Variants in KLHL29 observed in about 807,000 individuals in gnomAD.
The protein encoded by KLHL29 is kelch like family member 29.
In KLHL29, 21 loss-of-function variants were observed where a neutral mutation model predicts 80.4. The observed-to-expected ratio is 0.26, with a 90% CI of 0.19 to 0.38. KLHL29 has a LOEUF of 0.38. Ranked by LOEUF, KLHL29 falls within the 10% of genes least tolerant of loss-of-function variation. The probability of loss-of-function intolerance (pLI) is 1.00; values close to 1 mark genes in which losing one functional copy is unlikely to be tolerated. For synonymous variants in KLHL29, 511 were observed against 526.8 expected, an observed-to-expected ratio of 0.97 and a Z score of 0.41; for missense variants, 867 against 1,223.9, an observed-to-expected ratio of 0.71 and a Z score of 4.35.
intron 1 of KLHL29, among the ~76,000 whole-genome samples, chr2:23,400,337 A>G (rs1159819973): frequency 1.3e-5 from 2 of 152,126 alleles, no homozygotes; most frequent in Non-Finnish European, 2.9e-5. Context: ...GCTGGTTGAG[A>G]TGCTCTTTAG....
intron 1 of KLHL29, among the ~76,000 whole-genome samples, chr2:23,435,152 G>A (rs1157504083): frequency 6.6e-6 from 1 of 152,164 alleles, no homozygotes; most frequent in Non-Finnish European, 1.5e-5. Context: ...TTGGAGTGTG[G>A]TCTTCAGAAT....
chr2:23,548,883 CT>C lies in KLHL29; in HGVS notation c.-45-13268del, dbSNP rs138293767. ...TGGGCCCTCCTCTGTTACAGCCCCC[CT>C]GCCCTGGGAGTGGAAGATCTGGATT... On this transcript the variant is annotated intron_variant, in intron 2 of 13. Transcript: ENST00000486442. 5.4e-3 allele frequency among the ~76,000 whole-genome samples: 825 copies of C among 152,308 alleles called. 9 individuals carry two copies. Among genetic ancestry groups the C allele is most frequent in the African/African-American group, 0.019 (792 of 41,576 alleles).
At position 23,639,175 on chromosome 2, in the gene KLHL29, G is replaced by A; in HGVS notation, c.322G>A (p.Gly108Arg). 2 of 1,545,456 alleles carry A rather than the reference G, an allele frequency of 1.3e-6. No individual in the cohort carries two copies. Among genetic ancestry groups the A allele is most frequent in the Middle Eastern group, 1.7e-4 (1 of 5,978 alleles). ...CTCCAAAGGGGACAGTCAGTCCCAG[G>A]GACTGGCGACCAGCATCCGGTGGGG... ...GISKGDSQSQ[G>R]LATSIRWGQT... Residue 108 changes from glycine to arginine, a missense_variant, in exon 4 of 14, where the codon GGA becomes AGA. This residue lies in a region of KLHL29 where 424 missense variants were observed against 456.9 expected (regional missense o/e 0.93). Coordinates refer to ENST00000486442, the MANE Select transcript of KLHL29 (RefSeq NM_052920.2).
rs746090670 is a variant in KLHL29 at position 23,562,421 on chromosome 2, C to T, written c.225C>T (p.Thr75=). ...CTACAGCTCCTGCTCCCTGCACCAC[C>T]GGCAGCAGCGAGGCCATCACCAGCC... ...TPATAPAPCT[T]GSSEAITSLV... is the part of the protein sequence containing the mutation. Residue 75 remains threonine, a synonymous_variant, in exon 3 of 14, where the codon ACC becomes ACT. Coordinates refer to ENST00000486442, the MANE Select transcript of KLHL29 (RefSeq NM_052920.2). The surrounding 1 kb of genome is among the most constrained non-coding windows in gnomAD (Gnocchi z 4.5). The T allele has an allele frequency of 2.1e-5, 32 of 1,537,538 alleles. No homozygotes were observed. Among genetic ancestry groups the T allele is most frequent in the African/African-American group, 6.8e-5 (5 of 73,044 alleles).
intron 1 of KLHL29, among the ~76,000 whole-genome samples, chr2:23,428,619 CACTT>C (rs1350220197): frequency 1.3e-5 from 2 of 152,182 alleles, no homozygotes; most frequent in Non-Finnish European, 2.9e-5. Context: ...GCCACACACA[CACTT>C]AATTATGTTA....
intron 5 of KLHL29, among the ~76,000 whole-genome samples, chr2:23,659,827 C>A (rs951102619): frequency 2.0e-5 from 3 of 152,076 alleles, no homozygotes; most frequent in African/African-American, 7.2e-5. Flanking sequence ...CCTCCCACCC[C>A]TCAGGGTTCC....
At chr2:23,476,840 G>A (rs1372699825) in intron 2 of KLHL29, among the ~76,000 whole-genome samples, 1 of 152,218 alleles carries the variant, frequency 6.6e-6, no homozygotes, top group Non-Finnish European at 1.5e-5. Flanking sequence ...GCCTTGGGAG[G>A]GCACAATCTT....
intron 5 of KLHL29, among the ~76,000 whole-genome samples, chr2:23,674,778 C>A (rs1305586581): frequency 6.7e-6 from 1 of 148,198 alleles, no homozygotes; most frequent in East Asian, 2.0e-4. Flanking sequence ...AGGACCAAGG[C>A]ACCTCAGGAC....
chr2:23,679,468 A>T (rs1249653616), intron 5 of KLHL29, among the ~76,000 whole-genome samples: 1 of 152,142 alleles, frequency 6.6e-6, no homozygotes, highest in African/African-American at 2.4e-5. Context: ...TAAGGCCGTG[A>T]CTCACATTTT....
At chr2:23,552,335 G>T (rs1465647124) in intron 2 of KLHL29, among the ~76,000 whole-genome samples, 1 of 152,184 alleles carries the variant, frequency 6.6e-6, no homozygotes, top group Non-Finnish European at 1.5e-5. Context: ...TGGGGGATGG[G>T]TATATTCCCA....
At position 23,684,472 on chromosome 2, in the gene KLHL29, A is replaced by G; in HGVS notation, c.1014A>G (p.Arg338=). The G allele has an allele frequency of 6.4e-7, 1 of 1,551,054 alleles. No homozygotes were observed. Residue 338 remains arginine (R), a synonymous_variant, in exon 6 of 14, where the codon AGA becomes AGG. Coordinates refer to ENST00000486442, the MANE Select transcript of KLHL29 (RefSeq NM_052920.2). This position sits in a 1 kb window ranked among gnomAD's most constrained non-coding sequence, Gnocchi z 4.4. ...ACCTGAAAATTGTTGTTGAAGGCAG[A>G]GAGTTTGAAGTCCACCAAAATGTTC... is the stretch of plus-strand genomic sequence containing the variant. The part of the protein sequence containing the change: ...FTDLKIVVEG[R]EFEVHQNVLA...
chr2:23,417,983 A>G (rs1369978441), intron 1 of KLHL29, among the ~76,000 whole-genome samples: 2 of 152,114 alleles, frequency 1.3e-5, no homozygotes, highest in Admixed American at 6.5e-5. Context: ...TAGTTTGTTC[A>G]TCTTTCCCCT....
At chr2:23,390,078 C>T (rs1227364646) in intron 1 of KLHL29, among the ~76,000 whole-genome samples, 1 of 152,220 alleles carries the variant, frequency 6.6e-6, no homozygotes, top group Non-Finnish European at 1.5e-5. Context: ...CACAGGCTTA[C>T]TTCTCCCACA....
In KLHL29 at chr2:23,422,359, TTGTG is replaced by T. The variant is rs529053852; in HGVS notation, c.-154+36589_-154+36592del. Among the ~76,000 whole-genome samples, 379 of 150,710 alleles carry T rather than the reference TTGTG, an allele frequency of 2.5e-3. 1 individual carries two copies. Among genetic ancestry groups the T allele is most frequent in the African/African-American group, 8.5e-3 (351 of 41,076 alleles). On this transcript the variant is annotated intron_variant, in intron 1 of 13. Coordinates refer to ENST00000486442, the MANE Select transcript of KLHL29 (RefSeq NM_052920.2). ...CTGTGTATGTCTTTGTGTGTTGTGT[TTGTG>T]TGTGTGTGTCTGTGTGTGTCTCTGT...
chr2:23,609,522 C>T (rs1015796217), intron 3 of KLHL29, among the ~76,000 whole-genome samples: 4 of 151,898 alleles, frequency 2.6e-5, no homozygotes, highest in South Asian at 2.1e-4. Context: ...CTTCAGAATG[C>T]GCCCCCCTCG....
At chr2:23,589,634 G>C (rs1296127139) in intron 3 of KLHL29, among the ~76,000 whole-genome samples, 1 of 152,230 alleles carries the variant, frequency 6.6e-6, no homozygotes, top group African/African-American at 2.4e-5. Context: ...TAGAACACAA[G>C]GGTCAGCAGA....
At position 23,685,241 on chromosome 2, in the gene KLHL29, C is replaced by CTT. The variant is rs112566403; in HGVS notation, c.1079+714_1079+715dup. 3.6e-3 allele frequency: 529 copies of CTT among 148,312 alleles called. 4 individuals carry two copies. Among genetic ancestry groups the CTT allele is most frequent in the Non-Finnish European group, 5.4e-3 (359 of 66,936 alleles). 9.2% of individuals were successfully genotyped at this position (148,312 alleles called of 1,614,324 possible). On this transcript the variant is annotated intron_variant, in intron 6 of 13. Coordinates refer to ENST00000486442, the MANE Select transcript of KLHL29 (RefSeq NM_052920.2). ...ATGAGTCTTATTGGTGCATGAGCAT[C>CTT]TTTTTTTTTTTCCTCCATTATGTTG... is the stretch of plus-strand genomic sequence containing the variant.
intron 4 of KLHL29, among the ~76,000 whole-genome samples, 194 bp from the exon 5 acceptor site, chr2:23,642,144 G>A (rs497973): frequency 0.46 from 69,643 of 151,898 alleles, 16,257 homozygotes; most frequent in Middle Eastern, 0.54. Context: ...GAGCCCCGAT[G>A]GCTGTTTGTT....
At chr2:23,588,460 G>C (rs536621071) in intron 3 of KLHL29, among the ~76,000 whole-genome samples, 1 of 152,280 alleles carries the variant, frequency 6.6e-6, no homozygotes, top group Non-Finnish European at 1.5e-5. Flanking sequence ...TCAGCCACAG[G>C]CAAGTCTGTT....
Sources: allele counts gnomAD v4.1 joint callset (sites outside exome capture counted in the v4.1 genomes callset), GRCh38; gene constraint gnomAD v4.1.1; regional missense constraint gnomAD v4.1.1; non-coding constraint Gnocchi (gnomAD v3.1); transcripts MANE v1.5; gene names NCBI Gene and HGNC (gene_info 2026-07-23, HGNC 2026-07-21).